PTPRZ1: variants seen among roughly 807,000 people sequenced by gnomAD.
PTPRZ1 encodes protein tyrosine phosphatase receptor type Z1.
PTPRZ1 carries 82 observed loss-of-function variants against 214.1 expected under a neutral mutation model. The observed-to-expected ratio is 0.38, with a 90% confidence interval of 0.32 to 0.46. The LOEUF (loss-of-function observed/expected upper bound fraction) is 0.46. PTPRZ1 is among the 20% of genes least tolerant of loss of function. The pLI, the probability that PTPRZ1 is intolerant of heterozygous loss-of-function variation, is 1.00. For missense variants in PTPRZ1, 2,603 were observed against 2,748.7 expected (o/e 0.95, Z 1.19); for synonymous variants, 945 against 987.9 (o/e 0.96, Z 0.81).
rs763382596 is a variant in PTPRZ1 at position 122,028,582 on chromosome 7, A to T, written c.5019A>T (p.Leu1673Phe). The part of the protein sequence containing the change: ...RKCFQTAHFY[L>F]EDSTSPRVIS... Reference sequence around the variant, plus strand: ...GCTTCCAGACTGCACACTTTTACTTAGAGGACAGTACATCCCCTAGAGTTA... The same window carrying T: ...GCTTCCAGACTGCACACTTTTACTTTGAGGACAGTACATCCCCTAGAGTTA... Residue 1673 changes from leucine to phenylalanine, a missense_variant, in exon 14 of 30, where the codon TTA (leucine) becomes TTT (phenylalanine). Physicochemically the swap from Leu to Phe is conservative, Grantham distance 22. Coordinates refer to ENST00000393386, the MANE Select transcript of PTPRZ1 (RefSeq NM_002851.3). 3.2e-6 allele frequency: 5 copies of T among 1,545,626 alleles called. No homozygotes were observed. The South Asian group carries it at 5.6e-5, about 17-fold the overall frequency.
At chr7:121,930,845 A>G (rs1277033034) in intron 2 of PTPRZ1, among the ~76,000 whole-genome samples, 1 of 152,170 alleles carries the variant, frequency 6.6e-6, no homozygotes, top group Non-Finnish European at 1.5e-5. Context: ...TATAAAAATC[A>G]TGACTGTTTT....
Position 122,036,636 on chromosome 7 carries a change from A to C in PTPRZ1, c.5321A>C (p.Glu1774Ala), listed in dbSNP as rs371647117. ...HSRVKLAQLA[E>A]KDGKLTDYIN... ...AGGGTTAAGCTAGCACAGCTTGCTG[A>C]AAAGGATGGCAAACTGACTGATTAT... The change falls in exon 18 of 30, where the codon GAA (glutamate) becomes GCA (alanine). Residue 1774 changes from glutamate to alanine, a missense_variant. Physicochemically the swap from Glu to Ala is moderately radical, Grantham distance 107. Around this residue, in one of 6 missense-constraint regions of PTPRZ1, gnomAD observed 1,913 missense variants for 1,914.3 expected, o/e 1.00. Coordinates refer to ENST00000393386, the MANE Select transcript of PTPRZ1 (RefSeq NM_002851.3). 36 of 1,609,614 alleles carry C rather than the reference A, an allele frequency of 2.2e-5. No individual in the cohort carries two copies. In the African/African-American group the frequency reaches 4.3e-4, roughly 19 times the overall value.
At chr7:122,009,490 A>T (rs1028941253) in intron 11 of PTPRZ1, among the ~76,000 whole-genome samples, 1 of 151,490 alleles carries the variant, frequency 6.6e-6, no homozygotes, top group African/African-American at 2.4e-5. Context: ...AACTTTGGCA[A>T]TTGAGTTTTC....
chr7:121,873,741 G>A (rs7776594), intron 1 of PTPRZ1, among the ~76,000 whole-genome samples, 184 bp downstream of exon 1: 47,337 of 151,708 alleles, frequency 0.31, 7,574 homozygotes, highest in South Asian at 0.39. Flanking sequence ...GGATTTGCGC[G>A]CCCCCTCCCC....
intron 1 of PTPRZ1, among the ~76,000 whole-genome samples, chr7:121,903,966 T>A (rs58351889): frequency 0.033 from 4,114 of 123,846 alleles, 195 homozygotes; most frequent in African/African-American, 0.12. Flanking sequence ...TCTTTAAATC[T>A]CACACACACA....
intron 21 of PTPRZ1, among the ~76,000 whole-genome samples, chr7:122,042,150 T>C (rs1799750073): frequency 6.6e-6 from 1 of 152,178 alleles, no homozygotes; most frequent in African/African-American, 2.4e-5. Context: ...TATCAAATTC[T>C]TTTTCCCATT....
intron 4 of PTPRZ1, 108 bp downstream of exon 4, chr7:121,972,800 T>A (rs1385275634): frequency 2.2e-6 from 2 of 910,702 alleles, no homozygotes; most frequent in Non-Finnish European, 3.0e-6. Flanking sequence ...ATTTATAAAG[T>A]GATATTTTGA....
intron 2 of PTPRZ1, among the ~76,000 whole-genome samples, chr7:121,928,620 G>C (rs1045441515): frequency 6.6e-6 from 1 of 152,152 alleles, no homozygotes; most frequent in Non-Finnish European, 1.5e-5. Flanking sequence ...AATGTTAGCT[G>C]CTGGAGTTGT....
At position 121,873,513 on chromosome 7, in the gene PTPRZ1, A is replaced by G. The variant is rs1486235540; in HGVS notation, c.14A>G (p.Lys5Arg). 1.9e-6 allele frequency: 3 copies of G among 1,613,950 alleles called. No individual in the cohort carries two copies. The highest frequency in any genetic ancestry group is 2.2e-5 in the South Asian group (2 of 91,072). Reference sequence around the variant, plus strand: ...GACCGTCTGGAAATGCGAATCCTAAAGCGTTTCCTCGCTTGCATTCAGCTC... The same window carrying G: ...GACCGTCTGGAAATGCGAATCCTAAGGCGTTTCCTCGCTTGCATTCAGCTC... Reference protein sequence around the residue: MRILKRFLACIQLLC... With the variant: MRILRRFLACIQLLC... Residue 5 changes from lysine (K) to arginine (R), a missense_variant, in exon 1 of 30, where the codon AAG becomes AGG. Around this residue, in one of 6 missense-constraint regions of PTPRZ1, gnomAD observed 141 missense variants for 143.7 expected, o/e 0.98. Coordinates refer to ENST00000393386, the MANE Select transcript of PTPRZ1 (RefSeq NM_002851.3).
intron 10 of PTPRZ1, among the ~76,000 whole-genome samples, chr7:122,003,716 A>G (rs943977895): frequency 6.6e-6 from 1 of 152,310 alleles, no homozygotes; most frequent in African/African-American, 2.4e-5. Flanking sequence ...CCTCACAGTT[A>G]CTTTGTCTAC....
At chr7:121,927,249 C>T (rs776303996) in intron 1 of PTPRZ1, among the ~76,000 whole-genome samples, 5 of 152,178 alleles carry the variant, frequency 3.3e-5, no homozygotes, top group Admixed American at 1.3e-4. Flanking sequence ...TTCTGCCATC[C>T]GCAATCAGGT....
intron 2 of PTPRZ1, among the ~76,000 whole-genome samples, chr7:121,939,314 A>G (rs1796176244): frequency 6.6e-6 from 1 of 152,242 alleles, no homozygotes; most frequent in African/African-American, 2.4e-5. Flanking sequence ...GGAAATTGAA[A>G]CAAAGGCAGA....
At position 121,967,372 on chromosome 7, in the gene PTPRZ1, C is replaced by G. The variant is rs1007642060; in HGVS notation, c.125-579C>G. ...ATGTTTTTGTAAATAAGATCCCAAA[C>G]AGATGGAAATTAAACCAAATCTTTC... On this transcript the variant is annotated intron_variant, in intron 2 of 29. Transcript: ENST00000393386. Among the ~76,000 whole-genome samples the G allele has an allele frequency of 2.6e-5, 4 of 152,116 alleles. 1 individual carries two copies. The highest frequency in any genetic ancestry group is 2.6e-4 in the Admixed American group (4 of 15,280).
rs190825667 is a variant in PTPRZ1, at chr7:121,963,209, G to C, written c.125-4742G>C. 1.3e-3 allele frequency among the ~76,000 whole-genome samples: 193 copies of C among 152,264 alleles called. 1 individual carries two copies. The highest frequency in any genetic ancestry group is 4.4e-3 in the African/African-American group (182 of 41,548). On this transcript the variant is annotated intron_variant, in intron 2 of 29. Transcript: ENST00000393386. ...TACACAGCAAAGGAGGTGTAGCATA[G>C]AGTAATTTATTACAATGGATAAAGA...
chr7:122,008,817 A>C (rs941484617), intron 11 of PTPRZ1, among the ~76,000 whole-genome samples: 1 of 152,194 alleles, frequency 6.6e-6, no homozygotes, highest in South Asian at 2.1e-4. Context: ...TCTGCATCAC[A>C]TTATAAAACA....
At chr7:122,006,822 A>G (rs1798501392) in intron 11 of PTPRZ1, among the ~76,000 whole-genome samples, 2 of 152,114 alleles carry the variant, frequency 1.3e-5, no homozygotes, top group Admixed American at 1.3e-4. Flanking sequence ...AGGATGATTC[A>G]CAGGTGTGGG....
At chr7:122,045,206 C>T (rs113283673) in intron 23 of PTPRZ1, among the ~76,000 whole-genome samples, 3 of 152,108 alleles carry the variant, frequency 2.0e-5, no homozygotes, top group South Asian at 4.1e-4. Context: ...TGTGCAGAAT[C>T]GTAGCTTTCC....
In PTPRZ1 at chr7:121,873,200, C is replaced by G. The variant is rs1368313693; in HGVS notation, c.-300C>G. 2.4e-6 allele frequency: 1 copy of G among 422,296 alleles called. No individual in the cohort carries two copies. Among genetic ancestry groups the G allele is most frequent in the Non-Finnish European group, 4.2e-6 (1 of 240,308 alleles). 26.2% of individuals were successfully genotyped at this position (422,296 alleles called of 1,614,324 possible). A position where few individuals can be genotyped will look rare whatever the true frequency, so the allele number is the denominator to read the frequency against. On this transcript the variant is annotated 5_prime_UTR_variant, in exon 1 of 30. Transcript: ENST00000393386. ...GCAGCCGGCGAAAGAGGCAAAGTCC[C>G]GCACGCCGGAGGACATGCGCCTCGG...
chr7:121,910,782 A>T (rs1414019856), intron 1 of PTPRZ1, among the ~76,000 whole-genome samples: 1 of 152,108 alleles, frequency 6.6e-6, no homozygotes, highest in Non-Finnish European at 1.5e-5. Flanking sequence ...TGAATTTGAA[A>T]TAGGCTTGAA....
Sources: allele counts gnomAD v4.1 joint callset (sites outside exome capture counted in the v4.1 genomes callset), GRCh38; gene constraint gnomAD v4.1.1; regional missense constraint gnomAD v4.1.1; transcripts MANE v1.5; gene names NCBI Gene and HGNC (gene_info 2026-07-23, HGNC 2026-07-21).